EHD4: variants seen among roughly 807,000 people sequenced by gnomAD.
EHD4 encodes the protein EH domain-containing protein 4.
In EHD4, 37 loss-of-function variants were observed where a neutral mutation model predicts 51.0. The observed-to-expected ratio is 0.73, with a 90% CI of 0.56 to 0.95. The LOEUF (loss-of-function observed/expected upper bound fraction) is 0.95. EHD4 is among the 40% of genes least tolerant of loss of function. EHD4 has a pLI of 0.00. For synonymous variants in EHD4, 297 were observed against 317.3 expected, an observed-to-expected ratio of 0.94 and a Z score of 0.68; for missense variants, 632 against 733.1, an observed-to-expected ratio of 0.86 and a Z score of 1.59.
chr15:41,924,825 G>T (rs2067650589), intron 3 of EHD4, among the ~76,000 whole-genome samples: 1 of 152,138 alleles, frequency 6.6e-6, no homozygotes, highest in South Asian at 2.1e-4. Context: ...GGGAGGTCAA[G>T]GCAGGTGGAT....
intron 2 of EHD4, among the ~76,000 whole-genome samples, chr15:41,951,803 C>G (rs1296913050): frequency 6.6e-6 from 1 of 152,238 alleles, no homozygotes; most frequent in Non-Finnish European, 1.5e-5. Context: ...TTCTCCCGCC[C>G]AGGGCTTAAC....
At chr15:41,964,011 G>C (rs770059600) in intron 1 of EHD4, among the ~76,000 whole-genome samples, 2 of 151,798 alleles carry the variant, frequency 1.3e-5, no homozygotes, top group African/African-American at 2.4e-5. Context: ...CGGGAGTGGT[G>C]GTGGGCGCCT....
At chr15:41,902,751 GTATGTGTATACATA>G (rs2067485451) in intron 5 of EHD4, among the ~76,000 whole-genome samples, 2 of 150,358 alleles carry the variant, frequency 1.3e-5, no homozygotes, top group African/African-American at 2.4e-5. Flanking sequence ...ATATACATAT[GTATGTGTATACATA>G]TATGTATGTG....
At position 41,916,443 on chromosome 15, in the gene EHD4, T is replaced by C. The variant is rs373784680; in HGVS notation, c.924+2767A>G. Among the ~76,000 whole-genome samples, 9 of 152,262 alleles carry C rather than the reference T, an allele frequency of 5.9e-5. 1 individual carries two copies. The South Asian group carries it at 1.9e-3, about 32-fold the overall frequency. On this transcript the variant is annotated intron_variant, in intron 4 of 5. Coordinates refer to ENST00000220325, the MANE Select transcript of EHD4 (RefSeq NM_139265.4). Reference sequence around the variant, plus strand: ...AAATGAGGACAAAAATGCCCAACTGTGTAGTTGTCAACAGGATCAAACAAA... The same window carrying C: ...AAATGAGGACAAAAATGCCCAACTGCGTAGTTGTCAACAGGATCAAACAAA...
Position 41,919,419 on chromosome 15 carries a change from G to A in EHD4, c.715C>T (p.Leu239Phe), listed in dbSNP as rs2067608465. 2 of 1,596,240 alleles carry A rather than the reference G, an allele frequency of 1.3e-6. No homozygotes were observed. Among genetic ancestry groups the A allele is most frequent in the African/African-American group, 1.3e-5 (1 of 74,436 alleles). ...ATGACCTTGCCTAGGGACCACATGA[G>A]GGCCCCGTAGACCCGCATCAGCTGC... ...TQQLMRVYGA[L>F]MWSLGKVINT... The change falls in exon 4 of 6, where the codon CTC becomes TTC. Residue 239 changes from leucine to phenylalanine, a missense_variant. Leu to Phe is a conservative substitution (Grantham distance 22). Coordinates refer to ENST00000220325, the MANE Select transcript of EHD4 (RefSeq NM_139265.4).
chr15:41,958,559 A>G (rs1043863534), intron 1 of EHD4, among the ~76,000 whole-genome samples: 2 of 151,860 alleles, frequency 1.3e-5, no homozygotes, highest in African/African-American at 4.8e-5. Flanking sequence ...AGTGAATGTC[A>G]TTTATGACAA....
At chr15:41,941,851 T>C (rs922591842) in intron 3 of EHD4, 3 of 152,248 alleles carry the variant, frequency 2.0e-5, no homozygotes, top group Non-Finnish European at 2.9e-5. Context: ...CACTGGCCTA[T>C]GTAACTGCAC....
intron 2 of EHD4, among the ~76,000 whole-genome samples, chr15:41,949,848 C>A (rs987637224): frequency 6.6e-6 from 1 of 152,154 alleles, no homozygotes; most frequent in Non-Finnish European, 1.5e-5. Flanking sequence ...AAGCAGACTG[C>A]AAGGGGAAAT....
intron 4 of EHD4, among the ~76,000 whole-genome samples, chr15:41,916,809 C>T (rs1484068996): frequency 6.6e-6 from 1 of 152,204 alleles, no homozygotes; most frequent in African/African-American, 2.4e-5. Context: ...CTGCAAATAC[C>T]CATACTTCAA....
intron 1 of EHD4, among the ~76,000 whole-genome samples, chr15:41,959,770 C>G (rs2067912803): frequency 6.6e-6 from 1 of 151,930 alleles, no homozygotes; most frequent in Non-Finnish European, 1.5e-5. Flanking sequence ...GAGTTCAAGG[C>G]CACCCTGTGG....
chr15:41,925,627 T>C (rs1200035801), intron 3 of EHD4, among the ~76,000 whole-genome samples: 1 of 152,234 alleles, frequency 6.6e-6, no homozygotes, highest in East Asian at 1.9e-4. Context: ...AAACTTGTAT[T>C]AGTCTGGAAC....
At chr15:41,940,973 C>A (rs12102150) in intron 3 of EHD4, among the ~76,000 whole-genome samples, 37 of 152,358 alleles carry the variant, frequency 2.4e-4, no homozygotes, top group South Asian at 1.2e-3. Context: ...CCACATATTT[C>A]TCCAGCATAT....
In EHD4 at chr15:41,919,595, C is replaced by T; in HGVS notation, c.539G>A (p.Trp180Ter). Residue 180 changes from tryptophan to a stop codon, truncating the protein, a stop_gained, in exon 4 of 6, where the codon TGG (tryptophan) becomes TAG (stop). Coordinates refer to ENST00000220325, the MANE Select transcript of EHD4 (RefSeq NM_139265.4). LOFTEE classifies it high-confidence loss of function. ...GATCCTGTCCACCCTCTCGGCAAACCACTGCAGGACCTGGCAGAAGTCATA... is the reference window on the plus strand; with the variant it reads ...GATCCTGTCCACCCTCTCGGCAAACTACTGCAGGACCTGGCAGAAGTCATA... Reference protein sequence around the residue: ...RGYDFCQVLQWFAERVDRIIL... With the variant: ...RGYDFCQVLQ The T allele has an allele frequency of 6.6e-7, 1 of 1,515,550 alleles. No homozygotes were observed. The highest frequency in any genetic ancestry group is 8.8e-7 in the Non-Finnish European group (1 of 1,132,896). 93.9% of individuals were successfully genotyped at this position (1,515,550 alleles called of 1,614,324 possible).
intron 3 of EHD4, among the ~76,000 whole-genome samples, chr15:41,931,526 A>C (rs1168629445): frequency 2.0e-5 from 3 of 152,240 alleles, no homozygotes; most frequent in Non-Finnish European, 4.4e-5. Flanking sequence ...AAAATAAAAT[A>C]AAACATAAAA....
Position 41,897,035 on chromosome 15 carries a change from TG to T in EHD4, c.*3609del, listed in dbSNP as rs2067443428. The T allele has an allele frequency of 6.6e-6, 1 of 152,168 alleles. No homozygotes were observed. The highest frequency in any genetic ancestry group is 2.1e-4 in the South Asian group (1 of 4,828). The allele number at this position is 152,168 out of a possible 1,614,324, so 9.4% of individuals were successfully genotyped here. ...TGGGAGAGGGCAGCTCCATGTTTAT[TG>T]ATCAGCAGACTATGTCTTTTTGTTT... is the stretch of plus-strand genomic sequence containing the variant. On this transcript the variant is annotated 3_prime_UTR_variant, in exon 6 of 6. Transcript: ENST00000220325.
At position 41,901,011 on chromosome 15, in the gene EHD4, G is replaced by T. The variant is rs2067474272; in HGVS notation, c.1260C>A (p.Thr420=). The change falls in exon 6 of 6, where the codon ACC becomes ACA. Residue 420 remains threonine, a synonymous_variant. Transcript: ENST00000220325. The part of the protein sequence containing the change: ...QLVQGGAFDG[T]TEGPFNQGYG... ...AGCCCTGGTTGAAGGGGCCCTCGGT[G>T]GTGCCATCGAAGGCGCCGCCCTGCA... The T allele has an allele frequency of 6.2e-7, 1 of 1,608,488 alleles. No individual in the cohort carries two copies. Among genetic ancestry groups the T allele is most frequent in the African/African-American group, 1.3e-5 (1 of 74,852 alleles).
chr15:41,939,815 A>AT (rs1450771667), intron 3 of EHD4, among the ~76,000 whole-genome samples: 56 of 141,842 alleles, frequency 3.9e-4, no homozygotes, highest in Admixed American at 1.6e-3. Flanking sequence ...AAAAAAAAAG[A>AT]TTTTCTGCTA....
intron 4 of EHD4, among the ~76,000 whole-genome samples, chr15:41,916,465 C>CA (rs555189845): frequency 7.4e-4 from 112 of 151,956 alleles, no homozygotes; most frequent in African/African-American, 2.7e-3. Flanking sequence ...CAGGATCAAA[C>CA]AAAAAAACAC....
Position 41,919,374 on chromosome 15 carries a change from G to C in EHD4, c.760C>G (p.Arg254Gly). 2 of 1,613,588 alleles carry C rather than the reference G, an allele frequency of 1.2e-6. No individual in the cohort carries two copies. Among genetic ancestry groups the C allele is most frequent in the Non-Finnish European group, 1.7e-6 (2 of 1,179,674 alleles). ...GCCCAGAAGGAGCCAATGTAGACGCGCAGTACCTCGGGCGTGTTGATGACC... is the reference window on the plus strand; with the variant it reads ...GCCCAGAAGGAGCCAATGTAGACGCCCAGTACCTCGGGCGTGTTGATGACC... ...GKVINTPEVL[R>G]VYIGSFWAQP... Residue 254 changes from arginine (R) to glycine (G), a missense_variant, in exon 4 of 6, where the codon CGC becomes GGC. Physicochemically the swap from Arg to Gly is moderately radical, Grantham distance 125. Coordinates refer to ENST00000220325, the MANE Select transcript of EHD4 (RefSeq NM_139265.4).
Sources: allele counts gnomAD v4.1 joint callset (sites outside exome capture counted in the v4.1 genomes callset), GRCh38; gene constraint gnomAD v4.1.1; transcripts MANE v1.5; gene names NCBI Gene and HGNC (gene_info 2026-07-23, HGNC 2026-07-21).